The following DPYSL3 variants were observed in gnomAD, a reference collection of about 807,000 sequenced individuals.
DPYSL3 encodes dihydropyrimidinase like 3, also known as dihydropyrimidinase-related protein 3.
Under a neutral mutation model 66.1 loss-of-function variants are expected in DPYSL3, and 16 were observed. The observed-to-expected ratio is 0.24, with a 90% CI of 0.16 to 0.37. DPYSL3 has a LOEUF of 0.37. Ranked by LOEUF, DPYSL3 falls within the 10% of genes least tolerant of loss-of-function variation. The pLI is 1.00. For missense variants in DPYSL3, 738 were observed against 916.2 expected (o/e 0.81, Z 2.51); for synonymous variants, 338 against 345.1 (o/e 0.98, Z 0.23).
At chr5:147,396,212 C>A (rs1338029144) in intron 12 of DPYSL3, among the ~76,000 whole-genome samples, 1 of 152,178 alleles carries the variant, frequency 6.6e-6, no homozygotes, top group African/African-American at 2.4e-5. Flanking sequence ...CTCTTCAGCA[C>A]ACACCAGGGT....
At chr5:147,492,083 C>A (rs752933981) in intron 1 of DPYSL3, among the ~76,000 whole-genome samples, 6 of 151,922 alleles carry the variant, frequency 3.9e-5, no homozygotes, top group Non-Finnish European at 8.8e-5. Flanking sequence ...GCAAAGCAAA[C>A]ATGAAAATTT....
chr5:147,400,063 G>A (rs1036346145), intron 10 of DPYSL3, among the ~76,000 whole-genome samples: 9 of 152,124 alleles, frequency 5.9e-5, no homozygotes, highest in Non-Finnish European at 1.2e-4. Flanking sequence ...ATGTTTTTAG[G>A]ATTTTTGAAA....
intron 1 of DPYSL3, among the ~76,000 whole-genome samples, chr5:147,444,502 A>T (rs1467503738): frequency 1.3e-5 from 2 of 152,224 alleles, no homozygotes; most frequent in Admixed American, 6.5e-5. Context: ...TGATTATATT[A>T]TATATGACAC....
intron 2 of DPYSL3, among the ~76,000 whole-genome samples, chr5:147,419,303 G>C (rs1033757549): frequency 6.6e-6 from 1 of 152,082 alleles, no homozygotes; most frequent in African/African-American, 2.4e-5. Context: ...GCTTTTAGCC[G>C]AGCTGAGTGA....
rs762723911 is a variant in DPYSL3 at position 147,405,702 on chromosome 5, A to G, written c.1061T>C (p.Ile354Thr). 4.3e-6 allele frequency: 7 copies of G among 1,613,844 alleles called. No homozygotes were observed. The highest frequency in any genetic ancestry group is 5.9e-6 in the Non-Finnish European group (7 of 1,179,896). ...ELEAEAVFRA[I>T]TIASQTNCPL... Reference sequence around the variant, plus strand: ...GCAATTGGTTTGGCTGGCAATGGTGATGGCACGGAACACAGCCTCAGCTTC... The same window carrying G: ...GCAATTGGTTTGGCTGGCAATGGTGGTGGCACGGAACACAGCCTCAGCTTC... Residue 354 changes from isoleucine to threonine, a missense_variant, in exon 8 of 14, where the codon ATC becomes ACC. Ile to Thr is a moderately conservative substitution (Grantham distance 89, BLOSUM62 -1). Coordinates refer to ENST00000343218, the MANE Select transcript of DPYSL3 (RefSeq NM_001197294.2).
At chr5:147,479,873 C>A (rs538383281) in intron 1 of DPYSL3, among the ~76,000 whole-genome samples, 1 of 152,268 alleles carries the variant, frequency 6.6e-6, no homozygotes, top group Non-Finnish European at 1.5e-5. Context: ...TGGGCACTTG[C>A]AATCAGCAAG....
intron 8 of DPYSL3, among the ~76,000 whole-genome samples, chr5:147,405,010 G>T (rs1187392376): frequency 1.3e-5 from 2 of 152,090 alleles, no homozygotes; most frequent in African/African-American, 4.8e-5. Flanking sequence ...TTGACCTGCT[G>T]GAAAAGGTGT....
intron 1 of DPYSL3, among the ~76,000 whole-genome samples, chr5:147,450,238 T>C (rs1035871933): frequency 3.9e-5 from 6 of 152,188 alleles, no homozygotes; most frequent in Middle Eastern, 3.2e-3. Flanking sequence ...TCAGACAGTA[T>C]TGACTGAGTC....
chr5:147,418,385 A>C (rs1212630379), intron 3 of DPYSL3, 62 bp downstream of exon 3: 1 of 1,473,000 alleles, frequency 6.8e-7, no homozygotes, highest in African/African-American at 1.4e-5. Context: ...AGTTCTGGAG[A>C]TAACACATTC....
chr5:147,396,970 TTA>T (rs1431248749), intron 12 of DPYSL3, among the ~76,000 whole-genome samples: 3 of 148,038 alleles, frequency 2.0e-5, no homozygotes, highest in African/African-American at 7.4e-5. Flanking sequence ...TTGTTTTTAA[TTA>T]TATTTATTGT....
chr5:147,401,574 T>C lies in DPYSL3; in HGVS notation c.1276A>G (p.Thr426Ala), dbSNP rs756302276. 11 of 1,613,542 alleles carry C rather than the reference T, an allele frequency of 6.8e-6. No homozygotes were observed. The highest frequency in any genetic ancestry group is 1.3e-5 in the African/African-American group (1 of 75,008). The change falls in exon 9 of 14, where the codon ACT (threonine) becomes GCT (alanine). Residue 426 changes from threonine (T) to alanine (A), a missense_variant. Thr to Ala is a moderately conservative substitution (Grantham distance 58). Coordinates refer to ENST00000343218, the MANE Select transcript of DPYSL3 (RefSeq NM_001197294.2). ...AAGGAGTTGATGTAGTCCGGAGTAG[T>C]TGGGTCAGGGCTCAGGGGTGGGGAT... Reference protein sequence around the residue: ...VTSPPLSPDPTTPDYINSLLA... With the variant: ...VTSPPLSPDPATPDYINSLLA...
chr5:147,429,010 C>T (rs780227218), intron 1 of DPYSL3, among the ~76,000 whole-genome samples: 15 of 152,084 alleles, frequency 9.9e-5, no homozygotes, highest in Non-Finnish European at 1.8e-4. Context: ...CTCAGTGGGC[C>T]TCTTCACCTT....
intron 1 of DPYSL3, among the ~76,000 whole-genome samples, chr5:147,430,447 T>C (rs1325115378): frequency 1.3e-5 from 2 of 148,558 alleles, no homozygotes; most frequent in African/African-American, 2.5e-5. Context: ...GAGGCAGAGA[T>C]TGCAGTGAGC....
intron 1 of DPYSL3, among the ~76,000 whole-genome samples, chr5:147,457,483 G>C (rs1454359289): frequency 6.6e-6 from 1 of 152,182 alleles, no homozygotes; most frequent in Non-Finnish European, 1.5e-5. Context: ...GAACTAAAGG[G>C]CATGTAGTTA....
intron 1 of DPYSL3, chr5:147,453,799 CG>C: frequency 8.0e-7 from 1 of 1,247,790 alleles, no homozygotes; most frequent in African/African-American, 1.6e-5. Context: ...CTTTCACCCC[CG>C]CCCCCCCACG....
chr5:147,471,528 C>A (rs1383533768), intron 1 of DPYSL3, among the ~76,000 whole-genome samples: 9 of 152,092 alleles, frequency 5.9e-5, no homozygotes, highest in African/African-American at 2.2e-4. Context: ...GGAAAGAATT[C>A]GATTGGCTCT....
chr5:147,448,300 G>A (rs1210551623), intron 1 of DPYSL3, among the ~76,000 whole-genome samples: 1 of 152,154 alleles, frequency 6.6e-6, no homozygotes, highest in East Asian at 1.9e-4. Flanking sequence ...CAGGTTAAGG[G>A]AGAGTCTCTG....
intron 6 of DPYSL3, among the ~76,000 whole-genome samples, chr5:147,409,280 G>T: frequency 6.6e-6 from 1 of 152,192 alleles, no homozygotes; most frequent in East Asian, 1.9e-4. Flanking sequence ...TTCCCGAAGT[G>T]TGGGCCACTC....
intron 1 of DPYSL3, among the ~76,000 whole-genome samples, chr5:147,447,048 T>C (rs1313927371): frequency 6.6e-6 from 1 of 152,208 alleles, no homozygotes; most frequent in Non-Finnish European, 1.5e-5. Flanking sequence ...TTTAGCCAAA[T>C]TACTTAGTTT....
Sources: allele counts gnomAD v4.1 joint callset (sites outside exome capture counted in the v4.1 genomes callset), GRCh38; gene constraint gnomAD v4.1.1; transcripts MANE v1.5; gene names NCBI Gene and HGNC (gene_info 2026-07-23, HGNC 2026-07-21).